The following ATG5 variants were observed in gnomAD, a reference collection of about 807,000 sequenced individuals.
The protein encoded by ATG5 is autophagy related 5, also known as autophagy protein 5.
ATG5 carries 14 observed loss-of-function variants against 36.5 expected under a neutral mutation model. That is an observed-to-expected ratio of 0.38 (90% CI 0.25 to 0.60). The LOEUF (loss-of-function observed/expected upper bound fraction) is 0.60. Ranked by LOEUF, ATG5 falls within the 20% of genes least tolerant of loss-of-function variation. The pLI is 0.60. For missense variants in ATG5, 195 were observed against 326.7 expected, an observed-to-expected ratio of 0.60 and a Z score of 3.11; for synonymous variants, 95 against 101.5, an observed-to-expected ratio of 0.94 and a Z score of 0.38.
In ATG5 at chr6:106,316,084, ACAAT is replaced by A; in HGVS notation, c.108+13_108+16del. 6.3e-7 allele frequency: 1 copy of A among 1,575,972 alleles called. No individual in the cohort carries two copies. Among genetic ancestry groups the A allele is most frequent in the South Asian group, 1.2e-5 (1 of 86,680 alleles). Reference sequence around the variant, plus strand: ...GACAAGGTTAAATATCCCATTTGCCACAATCAATGTACTTACATAGTATGGTTCT... The same window carrying A: ...GACAAGGTTAAATATCCCATTTGCCACAATGTACTTACATAGTATGGTTCT... On this transcript the variant is annotated intron_variant, in intron 2 of 7. Coordinates refer to ENST00000369076, the MANE Select transcript of ATG5 (RefSeq NM_004849.4).
At chr6:106,204,756 C>A (rs899919094) in intron 6 of ATG5, among the ~76,000 whole-genome samples, 3 of 152,140 alleles carry the variant, frequency 2.0e-5, no homozygotes, top group African/African-American at 7.2e-5. Flanking sequence ...TTTTAAGTTT[C>A]CTGAGGCCCC....
In ATG5 at chr6:106,212,438, C is replaced by T. The variant is rs575968346; in HGVS notation, c.574-10349G>A. On this transcript the variant is annotated intron_variant, in intron 6 of 7. Coordinates refer to ENST00000369076, the MANE Select transcript of ATG5 (RefSeq NM_004849.4). ...GGCGGATCACCTGAGGTCAGGAGTT[C>T]GAGATCAGCCTGGCCAATATGGTGA... is the stretch of plus-strand genomic sequence containing the variant. Among the ~76,000 whole-genome samples the T allele has an allele frequency of 9.9e-5, 15 of 152,224 alleles. No homozygotes were observed. In the East Asian group the frequency reaches 2.7e-3, roughly 27 times the overall value.
intron 6 of ATG5, among the ~76,000 whole-genome samples, chr6:106,211,491 A>G (rs561167180): frequency 6.6e-6 from 1 of 152,266 alleles, no homozygotes; most frequent in African/African-American, 2.4e-5. Context: ...CGGGTGGATC[A>G]TGAGGTCGGG....
intron 6 of ATG5, among the ~76,000 whole-genome samples, chr6:106,229,576 C>T (rs144546416): frequency 0.086 from 13,011 of 152,136 alleles, 581 homozygotes; most frequent in South Asian, 0.13. Context: ...AAACAGTGTG[C>T]CCTATTCCTT....
At chr6:106,290,232 TTTTA>T (rs1023451703) in intron 4 of ATG5, among the ~76,000 whole-genome samples, 58 of 148,176 alleles carry the variant, frequency 3.9e-4, no homozygotes, top group East Asian at 2.5e-3. Flanking sequence ...ATATATTTTA[TTTTA>T]TTTATCTATT....
At chr6:106,243,112 A>G (rs1778189974) in intron 6 of ATG5, among the ~76,000 whole-genome samples, 1 of 152,222 alleles carries the variant, frequency 6.6e-6, no homozygotes, top group East Asian at 1.9e-4. Flanking sequence ...CTCTCCCCAA[A>G]CCGGTATCTA....
At position 106,272,435 on chromosome 6, in the gene ATG5, C is replaced by T. The variant is rs187225306; in HGVS notation, c.478+7226G>A. ...TCCAGTTTGACCTCCTTACCACTCT[C>T]GATCTTGATCACCACATTCTAGTCA... On this transcript the variant is annotated intron_variant, in intron 5 of 7. Transcript: ENST00000369076. Among the ~76,000 whole-genome samples the T allele has an allele frequency of 3.0e-4, 45 of 152,302 alleles. No homozygotes were observed. The East Asian group carries it at 8.1e-3, about 27-fold the overall frequency.
chr6:106,325,406 G>C (rs1257343969), intron 1 of ATG5, 120 bp downstream of exon 1: 4 of 152,422 alleles, frequency 2.6e-5, no homozygotes, highest in Non-Finnish European at 5.9e-5. Flanking sequence ...CCGCCATCGC[G>C]GCCGGGCGGG....
chr6:106,194,219 T>C (rs1776083345), intron 7 of ATG5, among the ~76,000 whole-genome samples: 1 of 152,192 alleles, frequency 6.6e-6, no homozygotes, highest in Non-Finnish European at 1.5e-5. Context: ...GGTTTGGGAA[T>C]TGGAGTTTTT....
intron 6 of ATG5, 100 bp downstream of exon 6, chr6:106,248,050 G>A (rs930430558): frequency 1.8e-5 from 16 of 872,898 alleles, no homozygotes; most frequent in Admixed American, 2.2e-5. Flanking sequence ...AATAAATACC[G>A]TTTAGTTACT....
chr6:106,252,870 G>A (rs1778654126), intron 5 of ATG5, among the ~76,000 whole-genome samples: 2 of 152,204 alleles, frequency 1.3e-5, no homozygotes, highest in Admixed American at 1.3e-4. Flanking sequence ...GTCGGATTGT[G>A]ACAGCACATA....
intron 6 of ATG5, among the ~76,000 whole-genome samples, chr6:106,212,115 A>G (rs1393954071): frequency 6.6e-6 from 1 of 152,250 alleles, no homozygotes; most frequent in Admixed American, 6.5e-5. Flanking sequence ...TATAAGTAGT[A>G]CTATGTGTTA....
At chr6:106,293,144 T>G (rs1780385200) in intron 3 of ATG5, 38 bp from the exon 4 acceptor site, 5 of 1,559,790 alleles carry the variant, frequency 3.2e-6, no homozygotes, top group Non-Finnish European at 4.4e-6. Context: ...AAATAAATAT[T>G]TAAAGTTATA....
At chr6:106,282,660 A>G (rs1779925573) in intron 4 of ATG5, among the ~76,000 whole-genome samples, 1 of 152,228 alleles carries the variant, frequency 6.6e-6, no homozygotes, top group African/African-American at 2.4e-5. Flanking sequence ...CCTTTGTCAA[A>G]TTAAGTAAAT....
intron 3 of ATG5, among the ~76,000 whole-genome samples, chr6:106,293,341 AT>A (rs1780395451): frequency 5.3e-5 from 8 of 152,168 alleles, no homozygotes. Flanking sequence ...GCACAATAGG[AT>A]TGTGGGCAAA....
chr6:106,269,827 C>A (rs1331039785), intron 5 of ATG5, among the ~76,000 whole-genome samples: 1 of 152,262 alleles, frequency 6.6e-6, no homozygotes, highest in East Asian at 1.9e-4. Context: ...CGGCTCCAGC[C>A]TTGGCCAGCC....
Position 106,186,447 on chromosome 6 carries a change from G to C in ATG5, c.*93C>G. On this transcript the variant is annotated 3_prime_UTR_variant, in exon 8 of 8. Coordinates refer to ENST00000369076, the MANE Select transcript of ATG5 (RefSeq NM_004849.4). ...GCAGCAGCGAAGTGTTTCTGGTCAG[G>C]TTGCCTCCACCAAACCTGATTGAAG... The C allele has an allele frequency of 6.9e-7, 1 of 1,455,408 alleles. No individual in the cohort carries two copies. Among genetic ancestry groups the C allele is most frequent in the South Asian group, 1.2e-5 (1 of 81,550 alleles). 90.2% of individuals were successfully genotyped at this position (1,455,408 alleles called of 1,614,324 possible). A position where few individuals can be genotyped will look rare whatever the true frequency, so the allele number is the denominator to read the frequency against.
At chr6:106,311,407 C>G (rs959291619) in intron 2 of ATG5, among the ~76,000 whole-genome samples, 1 of 152,108 alleles carries the variant, frequency 6.6e-6, no homozygotes, top group Non-Finnish European at 1.5e-5. Flanking sequence ...TATCTTAAGG[C>G]AAAGAGTCAA....
intron 7 of ATG5, among the ~76,000 whole-genome samples, chr6:106,192,432 T>A (rs1775999780): frequency 6.6e-6 from 1 of 152,160 alleles, no homozygotes; most frequent in Non-Finnish European, 1.5e-5. Flanking sequence ...ACAAGGAATA[T>A]GATCTATAAA....
Sources: allele counts gnomAD v4.1 joint callset (sites outside exome capture counted in the v4.1 genomes callset), GRCh38; gene constraint gnomAD v4.1.1; transcripts MANE v1.5; gene names NCBI Gene and HGNC (gene_info 2026-07-23, HGNC 2026-07-21).